CIB1: variants seen among roughly 807,000 people sequenced by gnomAD.
CIB1 encodes the protein calcium and integrin-binding protein 1.
Under a neutral mutation model 25.0 loss-of-function variants are expected in CIB1, and 19 were observed. The ratio of observed to expected loss-of-function variants is 0.76; its 90% CI spans 0.53 to 1.12. CIB1 has a LOEUF of 1.12. Among genes scored for constraint, CIB1 ranks in the 50% most tolerant of loss-of-function variants. The pLI is 0.00. For missense variants in CIB1, 236 were observed against 242.6 expected (o/e 0.97, Z 0.18); for synonymous variants, 104 against 98.5 (o/e 1.06, Z -0.33).
At chr15:90,241,373 G>A in the CIB1 span, 4 of 1,614,128 alleles carry the variant, frequency 2.5e-6, no homozygotes, top group Admixed American at 5.0e-5. Flanking sequence ...ACATCCTGGT[G>A]GTGATCAACG....
chr15:90,240,412 G>C, the CIB1 span, among the ~76,000 whole-genome samples: 1 of 151,908 alleles, frequency 6.6e-6, no homozygotes, highest in Admixed American at 6.6e-5. Context: ...GGAGGCTGAG[G>C]CATGAGAATC....
At chr15:90,256,272 T>C in the CIB1 span, 4 of 1,614,052 alleles carry the variant, frequency 2.5e-6, no homozygotes, top group Non-Finnish European at 3.4e-6. Context: ...GGAGAGCATA[T>C]GATCTGCCAG....
At chr15:90,256,594 TTTCTTTCTTTCTTTCC>T in the CIB1 span, among the ~76,000 whole-genome samples, 281 of 32,924 alleles carry the variant, frequency 8.5e-3, 3 homozygotes, top group South Asian at 8.2e-3. Flanking sequence ...TCTTTCTTTC[TTTCTTTCTTTCTTTCC>T]TTCCTTCCTT....
At chr15:90,259,914 T>C in the CIB1 span, among the ~76,000 whole-genome samples, 1 of 152,362 alleles carries the variant, frequency 6.6e-6, no homozygotes, top group Non-Finnish European at 1.5e-5. Context: ...AGTACATGTA[T>C]AGTTATCACT....
the CIB1 span, chr15:90,259,077 A>G: frequency 6.2e-6 from 9 of 1,457,682 alleles, no homozygotes; most frequent in South Asian, 1.1e-4. Context: ...TAAAAAAATC[A>G]CAGGACCAGG....
chr15:90,260,209 T>C, the CIB1 span, among the ~76,000 whole-genome samples: 5 of 152,120 alleles, frequency 3.3e-5, no homozygotes, highest in African/African-American at 1.2e-4. Context: ...TTTAAAAATA[T>C]TGTTGTGGCC....
the CIB1 span, among the ~76,000 whole-genome samples, chr15:90,248,281 T>G: frequency 1.3e-5 from 2 of 152,198 alleles, no homozygotes; most frequent in Non-Finnish European, 2.9e-5. Flanking sequence ...TATAAACAGT[T>G]TCTTTGGGTT....
the CIB1 span, among the ~76,000 whole-genome samples, chr15:90,256,579 T>TTC: frequency 9.6e-5 from 3 of 31,124 alleles, no homozygotes; most frequent in African/African-American, 2.4e-4. Flanking sequence ...CTTTCTTTCT[T>TTC]TCTTTCTTTC....
chr15:90,241,938 T>C, the CIB1 span: 1 of 1,614,072 alleles, frequency 6.2e-7, no homozygotes, highest in South Asian at 1.1e-5. Context: ...TGTCAAAACA[T>C]CCCAGGACTT....
the CIB1 span, among the ~76,000 whole-genome samples, chr15:90,260,257 G>A: frequency 6.6e-6 from 1 of 152,200 alleles, no homozygotes; most frequent in South Asian, 2.1e-4. Flanking sequence ...CAGCATTTTG[G>A]GAGGCTGAGG....
chr15:90,259,050 T>A, the CIB1 span: 1 of 1,539,218 alleles, frequency 6.5e-7, no homozygotes, highest in African/African-American at 1.4e-5. Context: ...GCATAGATAA[T>A]ATGTTCATAT....
At chr15:90,251,510 C>A in the CIB1 span, 1 of 1,573,318 alleles carries the variant, frequency 6.4e-7, no homozygotes, top group Non-Finnish European at 8.7e-7. Flanking sequence ...AGTACCTGTC[C>A]TTCCCTCCCA....
At chr15:90,251,671 C>A in the CIB1 span, 1 of 1,535,226 alleles carries the variant, frequency 6.5e-7, no homozygotes, top group South Asian at 1.1e-5. Context: ...CTGGAATGGA[C>A]CCCCGATCAG....
the CIB1 span, chr15:90,258,003 G>GAA: frequency 1.4e-5 from 22 of 1,600,724 alleles, no homozygotes; most frequent in East Asian, 4.9e-4. Context: ...CAGTGGCCTA[G>GAA]AAACTGGCCT....
the CIB1 span, chr15:90,242,427 G>GTTTTTTTTTTTTT: frequency 1.3e-5 from 1 of 76,440 alleles, no homozygotes; most frequent in Non-Finnish European, 2.9e-5. Flanking sequence ...ATTCTTTTCT[G>GTTTTTTTTTTTTT]TTTCTTTTTT....
chr15:90,235,021 TC>T (rs892567761), upstream of CIB1, among the ~76,000 whole-genome samples: 1 of 152,186 alleles, frequency 6.6e-6, no homozygotes, highest in African/African-American at 2.4e-5. Flanking sequence ...TATGTTAGTC[TC>T]AGTTTATAAC....
chr15:90,259,736 T>C, the CIB1 span, among the ~76,000 whole-genome samples: 16 of 152,288 alleles, frequency 1.1e-4, no homozygotes, highest in African/African-American at 3.8e-4. Context: ...CTGAGAAACT[T>C]TGTCATAAAG....
the CIB1 span, among the ~76,000 whole-genome samples, chr15:90,259,891 A>G: frequency 6.6e-6 from 1 of 152,266 alleles, no homozygotes; most frequent in East Asian, 1.9e-4. Context: ...AATGATACAT[A>G]CAAATGAATT....
chr15:90,255,802 G>A, the CIB1 span: 9 of 1,614,034 alleles, frequency 5.6e-6, no homozygotes, highest in Non-Finnish European at 7.6e-6. Flanking sequence ...GCAAAGATCT[G>A]CTGGCTCGGA....
Sources: gnomAD v4.1 joint callset for allele counts (sites outside exome capture counted in the v4.1 genomes callset) on GRCh38, gnomAD v4.1.1 for gene constraint, MANE v1.5 for transcripts, NCBI Gene and HGNC (gene_info 2026-07-23, HGNC 2026-07-21) for gene names.